Variants in ZHX2 observed in about 807,000 individuals in gnomAD.
ZHX2 encodes zinc fingers and homeoboxes 2.
Under a neutral mutation model 21.9 loss-of-function variants are expected in ZHX2, and 6 were observed. That is an observed-to-expected ratio of 0.27 (90% confidence interval 0.15 to 0.54). ZHX2 has a LOEUF of 0.54. ZHX2 is among the 20% of genes least tolerant of loss of function. The pLI, the probability that ZHX2 is intolerant of heterozygous loss-of-function variation, is 0.95. For synonymous variants in ZHX2, 434 were observed against 437.1 expected, an observed-to-expected ratio of 0.99 and a Z score of 0.09; for missense variants, 908 against 1,090.7, an observed-to-expected ratio of 0.83 and a Z score of 2.36.
Position 122,848,615 on chromosome 8 carries a change from A to G in ZHX2, c.-282-14862A>G, listed in dbSNP as rs1818809422. Among the ~76,000 whole-genome samples the G allele has an allele frequency of 2.0e-5, 3 of 152,274 alleles. No homozygotes were observed. In the South Asian group the frequency reaches 6.2e-4, roughly 32 times the overall value. On this transcript the variant is annotated intron_variant, in intron 1 of 3. Transcript: ENST00000314393. Reference sequence around the variant, plus strand: ...GGTCCCACTGTCCATCTCTGTTCAAATAATGAAGATTTGACCAGGCAGGGG... The same window carrying G: ...GGTCCCACTGTCCATCTCTGTTCAAGTAATGAAGATTTGACCAGGCAGGGG...
chr8:122,959,924 C>G (rs1813398501), intron 3 of ZHX2, among the ~76,000 whole-genome samples: 1 of 152,134 alleles, frequency 6.6e-6, no homozygotes. Context: ...AATCCAGCCC[C>G]CTCATTTTCA....
At chr8:122,845,961 T>A (rs182690388) in intron 1 of ZHX2, among the ~76,000 whole-genome samples, 86 of 152,308 alleles carry the variant, frequency 5.6e-4, no homozygotes, top group African/African-American at 1.9e-3. Flanking sequence ...CTGATCCACA[T>A]TTTTAGATCA....
chr8:122,891,512 A>G (rs1198539184), intron 2 of ZHX2, among the ~76,000 whole-genome samples: 1 of 151,838 alleles, frequency 6.6e-6, no homozygotes, highest in East Asian at 1.9e-4. Context: ...GAGGTGTATC[A>G]TTAGATTGTT....
intron 2 of ZHX2, among the ~76,000 whole-genome samples, chr8:122,897,300 T>C (rs543744475): frequency 5.3e-4 from 80 of 152,360 alleles, no homozygotes; most frequent in African/African-American, 1.7e-3. Flanking sequence ...ACCTACCTCA[T>C]TGGGTTACCA....
At chr8:122,808,139 T>C (rs1817858973) in intron 1 of ZHX2, among the ~76,000 whole-genome samples, 1 of 152,170 alleles carries the variant, frequency 6.6e-6, no homozygotes, top group Admixed American at 6.5e-5. Context: ...TTAAATACTT[T>C]TAAGAGATTA....
chr8:122,963,462 T>A (rs1342292685), intron 3 of ZHX2, among the ~76,000 whole-genome samples: 3 of 152,204 alleles, frequency 2.0e-5, no homozygotes, highest in Non-Finnish European at 4.4e-5. Context: ...ATTTTCTCTA[T>A]CCTGTTCCAT....
At chr8:122,945,254 C>A (rs1812940450) in intron 2 of ZHX2, among the ~76,000 whole-genome samples, 1 of 151,184 alleles carries the variant, frequency 6.6e-6, no homozygotes, top group African/African-American at 2.5e-5. Flanking sequence ...AGGGTTCTGG[C>A]TCATACTCAT....
intron 2 of ZHX2, among the ~76,000 whole-genome samples, chr8:122,933,232 C>T (rs1199611492): frequency 6.6e-6 from 1 of 152,124 alleles, no homozygotes; most frequent in Non-Finnish European, 1.5e-5. Context: ...GAATCACCCA[C>T]AAGGAAGGAA....
chr8:122,939,532 G>A (rs1374712292), intron 2 of ZHX2, among the ~76,000 whole-genome samples: 1 of 152,216 alleles, frequency 6.6e-6, no homozygotes, highest in African/African-American at 2.4e-5. Context: ...CAGAACCCAT[G>A]AGTGCTGAGC....
chr8:122,878,166 T>A (rs568409165), intron 2 of ZHX2, among the ~76,000 whole-genome samples: 4 of 152,272 alleles, frequency 2.6e-5, no homozygotes, highest in South Asian at 4.1e-4. Context: ...GCTTGAACAG[T>A]GTAGCAAAAT....
At chr8:122,851,582 C>G (rs1163740879) in intron 1 of ZHX2, among the ~76,000 whole-genome samples, 1 of 152,190 alleles carries the variant, frequency 6.6e-6, no homozygotes, top group Non-Finnish European at 1.5e-5. Context: ...AGGTGAAGGA[C>G]TTTGTTTTGA....
chr8:122,830,102 C>G (rs867502066), intron 1 of ZHX2, among the ~76,000 whole-genome samples: 2 of 152,330 alleles, frequency 1.3e-5, no homozygotes, highest in Middle Eastern at 3.4e-3. Flanking sequence ...CGACAGACAA[C>G]AGGAGGCGGT....
At chr8:122,928,946 C>A (rs1820918789) in intron 2 of ZHX2, among the ~76,000 whole-genome samples, 1 of 152,176 alleles carries the variant, frequency 6.6e-6, no homozygotes, top group Non-Finnish European at 1.5e-5. Context: ...GTGGTTGTTA[C>A]AATTACTATC....
chr8:122,809,978 A>C (rs373429538), intron 1 of ZHX2, among the ~76,000 whole-genome samples: 1 of 152,122 alleles, frequency 6.6e-6, no homozygotes, highest in Non-Finnish European at 1.5e-5. Flanking sequence ...TCATTAGAAG[A>C]TGATGGTTTT....
chr8:122,854,693 G>A (rs1563755310), intron 1 of ZHX2, among the ~76,000 whole-genome samples: 1 of 152,158 alleles, frequency 6.6e-6, no homozygotes. Context: ...AAGCAGGCAA[G>A]ACATCCTCTA....
At chr8:122,849,438 G>A (rs965612050) in intron 1 of ZHX2, among the ~76,000 whole-genome samples, 2 of 152,184 alleles carry the variant, frequency 1.3e-5, no homozygotes, top group Non-Finnish European at 2.9e-5. Context: ...AATTTATTCT[G>A]TCACAGTTCT....
At chr8:122,879,528 C>T (rs1214076562) in intron 2 of ZHX2, among the ~76,000 whole-genome samples, 11 of 150,338 alleles carry the variant, frequency 7.3e-5, no homozygotes, top group East Asian at 5.9e-4. Context: ...TTTAATTCTG[C>T]GTCATTTTTT....
chr8:122,863,414 G>C (rs560828934), intron 1 of ZHX2, 63 bp from the exon 2 acceptor site: 3 of 152,874 alleles, frequency 2.0e-5, no homozygotes, highest in Admixed American at 6.5e-5. Flanking sequence ...CATCCTGCTA[G>C]AAAAGAGATG....
At chr8:122,921,331 A>G (rs1586390037) in intron 2 of ZHX2, among the ~76,000 whole-genome samples, 1 of 151,920 alleles carries the variant, frequency 6.6e-6, no homozygotes, top group African/African-American at 2.4e-5. Context: ...TGACCCACCC[A>G]CCTCGGCCTC....
Sources: gnomAD v4.1 joint callset for allele counts (sites outside exome capture counted in the v4.1 genomes callset) on GRCh38, gnomAD v4.1.1 for gene constraint, MANE v1.5 for transcripts, NCBI Gene and HGNC (gene_info 2026-07-23, HGNC 2026-07-21) for gene names.